The following TRPM3 variants were observed in gnomAD, a reference collection of about 807,000 sequenced individuals.
TRPM3 encodes transient receptor potential cation channel subfamily M member 3.
In TRPM3, 77 loss-of-function variants were observed where a neutral mutation model predicts 181.2. The ratio of observed to expected loss-of-function variants is 0.42; its 90% CI spans 0.35 to 0.51. The LOEUF (loss-of-function observed/expected upper bound fraction) is 0.51, where lower values mean the gene tolerates loss of function less well. TRPM3 is among the 20% of genes least tolerant of loss of function. TRPM3 has a pLI of 0.01. For missense variants in TRPM3, 1,759 were observed against 2,196.7 expected (o/e 0.80, Z 3.98); for synonymous variants, 745 against 796.4 (o/e 0.94, Z 1.09).
At chr9:71,289,428 C>A (rs1365260786) in intron 1 of TRPM3, among the ~76,000 whole-genome samples, 1 of 152,104 alleles carries the variant, frequency 6.6e-6, no homozygotes, top group Non-Finnish European at 1.5e-5. Context: ...AAAGTTTGTG[C>A]ACTTAAAGAT....
In TRPM3 at chr9:70,530,898, T is replaced by C. The variant is rs2040791250; in HGVS notation, c.*5055A>G. 1 of 152,190 alleles carries C rather than the reference T, an allele frequency of 6.6e-6. No individual in the cohort carries two copies. Among genetic ancestry groups the C allele is most frequent in the Admixed American group, 6.5e-5 (1 of 15,276 alleles). The allele number at this position is 152,190 out of a possible 1,614,324, so 9.4% of individuals were successfully genotyped here. A position where few individuals can be genotyped will look rare whatever the true frequency, so the allele number is the denominator to read the frequency against. On this transcript the variant is annotated 3_prime_UTR_variant, in exon 26 of 26. Coordinates refer to ENST00000677713, the MANE Select transcript of TRPM3 (RefSeq NM_001366145.2). ...CAAATTGGCTCCTCTCTTTAACAGA[T>C]GTTGAATGGCTTCTAGTAATGATGA...
intron 1 of TRPM3, among the ~76,000 whole-genome samples, chr9:71,383,976 A>C (rs941399843): frequency 7.2e-5 from 11 of 152,218 alleles, no homozygotes; most frequent in African/African-American, 2.7e-4. Context: ...AGAAAAATTC[A>C]TCAAAAGCTG....
At chr9:70,595,728 C>G (rs1056926147) in intron 21 of TRPM3, among the ~76,000 whole-genome samples, 1 of 152,166 alleles carries the variant, frequency 6.6e-6, no homozygotes, top group Non-Finnish European at 1.5e-5. Flanking sequence ...TCCCTTGACT[C>G]TAAATCTAGA....
At chr9:70,655,715 C>G (rs2060245025) in intron 9 of TRPM3, among the ~76,000 whole-genome samples, 1 of 151,972 alleles carries the variant, frequency 6.6e-6, no homozygotes, top group Non-Finnish European at 1.5e-5. Context: ...CTCTTTGTAC[C>G]TTATGACGTA....
chr9:70,777,985 A>G (rs2081735018), intron 7 of TRPM3, among the ~76,000 whole-genome samples: 1 of 147,870 alleles, frequency 6.8e-6, no homozygotes, highest in Admixed American at 6.7e-5. Flanking sequence ...TAAATTTAAC[A>G]GACACAGACA....
chr9:70,877,585 A>G (rs1404591333), intron 1 of TRPM3, among the ~76,000 whole-genome samples: 1 of 151,952 alleles, frequency 6.6e-6, no homozygotes, highest in Non-Finnish European at 1.5e-5. Context: ...ATGAGGGATA[A>G]GTGTGGTATT....
At chr9:70,806,499 T>C (rs1185274584) in intron 6 of TRPM3, among the ~76,000 whole-genome samples, 2 of 151,962 alleles carry the variant, frequency 1.3e-5, no homozygotes, top group Non-Finnish European at 2.9e-5. Flanking sequence ...GAGACCAGCC[T>C]GGCCAATATG....
At position 70,827,125 on chromosome 9, in the gene TRPM3, T is replaced by C. The variant is rs556836354; in HGVS notation, c.973+722A>G. 4.6e-5 allele frequency: 7 copies of C among 152,366 alleles called. No individual in the cohort carries two copies. The South Asian group carries it at 1.2e-3, about 27-fold the overall frequency. The allele number at this position is 152,366 out of a possible 1,614,324, so 9.4% of individuals were successfully genotyped here. A position where few individuals can be genotyped will look rare whatever the true frequency, so the allele number is the denominator to read the frequency against. On this transcript the variant is annotated intron_variant, in intron 6 of 25. Coordinates refer to ENST00000677713, the MANE Select transcript of TRPM3 (RefSeq NM_001366145.2). Reference sequence around the variant, plus strand: ...ATCTATATCTAAATCCATATGTATCTAGAGACAATGAGTACATACTTAAAA... The same window carrying C: ...ATCTATATCTAAATCCATATGTATCCAGAGACAATGAGTACATACTTAAAA...
intron 1 of TRPM3, among the ~76,000 whole-genome samples, chr9:71,389,410 G>A (rs1210443368): frequency 6.6e-6 from 1 of 152,060 alleles, no homozygotes; most frequent in African/African-American, 2.4e-5. Context: ...CAGCCACTAT[G>A]GAAAACAGTG....
intron 18 of TRPM3, among the ~76,000 whole-genome samples, chr9:70,613,366 G>T (rs1381234132): frequency 6.6e-6 from 1 of 152,202 alleles, no homozygotes; most frequent in African/African-American, 2.4e-5. Context: ...ACTACTAAAA[G>T]CTACAAAAAT....
chr9:71,420,780 AG>A (rs1308551154), intron 1 of TRPM3, among the ~76,000 whole-genome samples: 8 of 82,544 alleles, frequency 9.7e-5, no homozygotes, highest in East Asian at 2.6e-4. Context: ...AGAGAGAAAG[AG>A]AGAGAAAGAG....
intron 1 of TRPM3, among the ~76,000 whole-genome samples, chr9:70,920,605 A>G (rs565139965): frequency 1.3e-5 from 2 of 152,188 alleles, no homozygotes; most frequent in Admixed American, 6.5e-5. Context: ...ATGCACCATC[A>G]AAAAGAATCC....
At chr9:71,147,899 C>G (rs898538618) in intron 1 of TRPM3, among the ~76,000 whole-genome samples, 5 of 152,076 alleles carry the variant, frequency 3.3e-5, no homozygotes, top group African/African-American at 1.2e-4. Flanking sequence ...ATTTCTTTTT[C>G]CAGAATCTAG....
intron 18 of TRPM3, among the ~76,000 whole-genome samples, chr9:70,613,912 T>G (rs1278800597): frequency 6.6e-6 from 1 of 152,138 alleles, no homozygotes; most frequent in African/African-American, 2.4e-5. Context: ...GAATGCTGAT[T>G]CAGTTTCTGG....
chr9:71,258,061 A>G (rs900676960), intron 1 of TRPM3, among the ~76,000 whole-genome samples: 7 of 152,182 alleles, frequency 4.6e-5, no homozygotes, highest in African/African-American at 1.7e-4. Context: ...AGGATTTTAT[A>G]TTTTCTAAGA....
intron 1 of TRPM3, among the ~76,000 whole-genome samples, chr9:71,025,241 A>G (rs2097884654): frequency 6.6e-6 from 1 of 152,170 alleles, no homozygotes; most frequent in South Asian, 2.1e-4. Context: ...TCCCTTTACT[A>G]ATGAAGATTG....
At chr9:70,694,328 T>C (rs1189090286) in intron 8 of TRPM3, among the ~76,000 whole-genome samples, 1 of 152,196 alleles carries the variant, frequency 6.6e-6, no homozygotes, top group Non-Finnish European at 1.5e-5. Flanking sequence ...TGGAGATCTT[T>C]TAAGCTCTAG....
intron 5 of TRPM3, among the ~76,000 whole-genome samples, chr9:70,842,357 C>A (rs1403850005): frequency 6.6e-6 from 1 of 151,978 alleles, no homozygotes; most frequent in Admixed American, 6.6e-5. Flanking sequence ...CCTATGATGA[C>A]ATTTATTTTT....
chr9:70,928,721 A>G (rs1050264264), intron 1 of TRPM3, among the ~76,000 whole-genome samples: 3 of 152,216 alleles, frequency 2.0e-5, no homozygotes, highest in Non-Finnish European at 4.4e-5. Flanking sequence ...CCTGAGGAAC[A>G]TGATGTACAG....
Sources: gnomAD v4.1 joint callset for allele counts (sites outside exome capture counted in the v4.1 genomes callset) on GRCh38, gnomAD v4.1.1 for gene constraint, MANE v1.5 for transcripts, NCBI Gene and HGNC (gene_info 2026-07-23, HGNC 2026-07-21) for gene names.